PSMB2: variants seen among roughly 807,000 people sequenced by gnomAD.
PSMB2 encodes the protein proteasome subunit beta type-2.
Under a neutral mutation model 25.7 loss-of-function variants are expected in PSMB2, and 13 were observed. The observed-to-expected ratio is 0.51, with a 90% CI of 0.33 to 0.80. The LOEUF (loss-of-function observed/expected upper bound fraction) is 0.80, where lower values mean the gene tolerates loss of function less well. Among genes scored for constraint, PSMB2 ranks in the 30% least tolerant of loss-of-function variants. The pLI is 0.02. For synonymous variants in PSMB2, 87 were observed against 96.2 expected (o/e 0.90, Z 0.56); for missense variants, 202 against 259.0 (o/e 0.78, Z 1.51).
At chr1:35,631,605 A>G in intron 2 of PSMB2, 1 of 827,212 alleles carries the variant, frequency 1.2e-6, no homozygotes, top group Non-Finnish European at 1.6e-6. Flanking sequence ...AGCCTTGCTT[A>G]AACTATTCAT....
chr1:35,632,881 T>TGA (rs1173570941), intron 2 of PSMB2, among the ~76,000 whole-genome samples: 1 of 149,308 alleles, frequency 6.7e-6, no homozygotes, highest in East Asian at 2.0e-4. Flanking sequence ...GCGACAGGAG[T>TGA]GAGACCCTGT....
At chr1:35,624,551 G>C (rs1380247737) in intron 3 of PSMB2, among the ~76,000 whole-genome samples, 2 of 152,086 alleles carry the variant, frequency 1.3e-5, no homozygotes, top group Non-Finnish European at 2.9e-5. Context: ...TCAGGAGTTG[G>C]AGACCAGCCT....
chr1:35,601,878 A>T lies in PSMB2; in HGVS notation c.*1389T>A. The T allele has an allele frequency of 8.1e-6, 8 of 985,478 alleles. No individual in the cohort carries two copies. The highest frequency in any genetic ancestry group is 1.7e-5 in the African/African-American group (1 of 57,370). The allele number at this position is 985,478 out of a possible 1,614,324, so 61.0% of individuals were successfully genotyped here. ...ACAAAACATCCACATTGTTCCCTAA[A>T]GTTATGCTAAGAGTAAAACGAGTAA... On this transcript the variant is annotated 3_prime_UTR_variant, in exon 6 of 6. Transcript: ENST00000373237.
chr1:35,603,512 G>A (rs1571118787), intron 5 of PSMB2, 138 bp from the exon 6 acceptor site: 3 of 1,027,806 alleles, frequency 2.9e-6, no homozygotes. Context: ...GAGGCAGTTG[G>A]CAGTAGGGCA....
Position 35,641,482 on chromosome 1 carries a change from C to G in PSMB2, c.-50G>C, listed in dbSNP as rs1299065680. 3.7e-6 allele frequency: 6 copies of G among 1,612,128 alleles called. No homozygotes were observed. The highest frequency in any genetic ancestry group is 1.3e-5 in the African/African-American group (1 of 74,854). Reference sequence around the variant, plus strand: ...GGTCCGACACAGCACGAGACTCGCCCGCTTCCAGGTCTCACCGGTGAGACA... The same window carrying G: ...GGTCCGACACAGCACGAGACTCGCCGGCTTCCAGGTCTCACCGGTGAGACA... On this transcript the variant is annotated 5_prime_UTR_variant, in exon 1 of 6. Coordinates refer to ENST00000373237, the MANE Select transcript of PSMB2 (RefSeq NM_002794.5).
chr1:35,638,255 C>A (rs1651299521), intron 1 of PSMB2, among the ~76,000 whole-genome samples: 1 of 152,144 alleles, frequency 6.6e-6, no homozygotes, highest in Non-Finnish European at 1.5e-5. Context: ...TACTTAGAGA[C>A]CCCTGAGTTG....
At chr1:35,639,756 T>C (rs1420139698) in intron 1 of PSMB2, among the ~76,000 whole-genome samples, 1 of 152,244 alleles carries the variant, frequency 6.6e-6, no homozygotes, top group Non-Finnish European at 1.5e-5. Context: ...CACTTGCTTG[T>C]CAAAGACCTT....
At chr1:35,626,813 T>C (rs1650875869) in intron 3 of PSMB2, among the ~76,000 whole-genome samples, 1 of 152,202 alleles carries the variant, frequency 6.6e-6, no homozygotes, top group Admixed American at 6.5e-5. Context: ...ACTTCTATGA[T>C]GATGGATATG....
chr1:35,613,937 A>G (rs1650413360), intron 3 of PSMB2, among the ~76,000 whole-genome samples: 1 of 152,212 alleles, frequency 6.6e-6, no homozygotes, highest in African/African-American at 2.4e-5. Context: ...GACTCTATAA[A>G]CAATGCAAGT....
rs973945128 is a variant in PSMB2, at chr1:35,600,553, G to T, written c.*2714C>A. 10 of 985,250 alleles carry T rather than the reference G, an allele frequency of 1.0e-5. No individual in the cohort carries two copies. The African/African-American group carries it at 1.7e-4, about 17-fold the overall frequency. The allele number at this position is 985,250 out of a possible 1,614,324, so 61.0% of individuals were successfully genotyped here. ...GCCTGGGTTTCTGACTTGGGCACTT[G>T]GGAAACCAGGTAGCTCTAATTCTCT... On this transcript the variant is annotated 3_prime_UTR_variant, in exon 6 of 6. Coordinates refer to ENST00000373237, the MANE Select transcript of PSMB2 (RefSeq NM_002794.5).
chr1:35,628,631 ATTT>A (rs138110586), intron 3 of PSMB2, among the ~76,000 whole-genome samples: 21 of 38,074 alleles, frequency 5.5e-4, no homozygotes, highest in African/African-American at 2.2e-3. Flanking sequence ...ATATATATAT[ATTT>A]TTTTTTTTTT....
chr1:35,633,871 G>A (rs1199786005), intron 2 of PSMB2, among the ~76,000 whole-genome samples: 1 of 152,216 alleles, frequency 6.6e-6, no homozygotes, highest in Non-Finnish European at 1.5e-5. Context: ...CAAACTATGT[G>A]AATAGATCTT....
At position 35,603,343 on chromosome 1, in the gene PSMB2, G is replaced by A. The variant is rs754270458; in HGVS notation, c.530C>T (p.Thr177Ile). ...LQKRFILNLP[T>I]FSVRIIDKNG... ...TTTGTCAATGATTCGAACACTGAAG[G>A]TTGGCAGATTCAGGATGAAGCGTTT... Residue 177 changes from threonine (T) to isoleucine (I), a missense_variant, in exon 6 of 6, where the codon ACC (threonine) becomes ATC (isoleucine). Coordinates refer to ENST00000373237, the MANE Select transcript of PSMB2 (RefSeq NM_002794.5). The A allele has an allele frequency of 1.2e-6, 2 of 1,614,048 alleles. No individual in the cohort carries two copies. The highest frequency in any genetic ancestry group is 1.7e-6 in the Non-Finnish European group (2 of 1,180,016).
chr1:35,641,380 T>A lies in PSMB2; in HGVS notation c.53A>T (p.Asp18Val). 6.2e-7 allele frequency: 1 copy of A among 1,613,970 alleles called. No homozygotes were observed. The highest frequency in any genetic ancestry group is 8.5e-7 in the Non-Finnish European group (1 of 1,179,988). Reference protein sequence around the residue: ...QGPDYVLVASDRVAASNIVQM... With the variant: ...QGPDYVLVASVRVAASNIVQM... ...GACAATATTGCTGGCGGCCACCCGG[T>A]CGGAGGCGACAAGAACATAGTCGGG... Residue 18 changes from aspartate to valine, a missense_variant, in exon 1 of 6, where the codon GAC (aspartate) becomes GTC (valine). Asp to Val is a radical substitution (Grantham distance 152, BLOSUM62 -3). Transcript: ENST00000373237.
intron 3 of PSMB2, among the ~76,000 whole-genome samples, chr1:35,625,006 T>A (rs1400626265): frequency 6.6e-6 from 1 of 150,816 alleles, no homozygotes; most frequent in Non-Finnish European, 1.5e-5. Context: ...GGTTGCAGTG[T>A]GCTGAGATCA....
intron 3 of PSMB2, 129 bp from the exon 4 acceptor site, chr1:35,609,537 A>G (rs1369775398): frequency 3.4e-6 from 3 of 894,308 alleles, no homozygotes; most frequent in Non-Finnish European, 4.8e-6. Flanking sequence ...AATCACAATG[A>G]AAGTAAAAAT....
At chr1:35,629,631 A>G (rs1651030196) in intron 3 of PSMB2, among the ~76,000 whole-genome samples, 1 of 151,756 alleles carries the variant, frequency 6.6e-6, no homozygotes, top group African/African-American at 2.4e-5. Flanking sequence ...CCACATGGTG[A>G]AATCCTGCCT....
rs559969563 is a variant in PSMB2 at position 35,601,450 on chromosome 1, T to C, written c.*1817A>G. 2 of 985,394 alleles carry C rather than the reference T, an allele frequency of 2.0e-6. No homozygotes were observed. The highest frequency in any genetic ancestry group is 1.7e-5 in the African/African-American group (1 of 57,346). The allele number at this position is 985,394 out of a possible 1,614,324, so 61.0% of individuals were successfully genotyped here. A position where few individuals can be genotyped will look rare whatever the true frequency, so the allele number is the denominator to read the frequency against. Reference sequence around the variant, plus strand: ...AGCTCAAACCTATGCATATTCATGGTGGTGTTGGAGGTTGAATCAACTGTA... The same window carrying C: ...AGCTCAAACCTATGCATATTCATGGCGGTGTTGGAGGTTGAATCAACTGTA... On this transcript the variant is annotated 3_prime_UTR_variant, in exon 6 of 6. Coordinates refer to ENST00000373237, the MANE Select transcript of PSMB2 (RefSeq NM_002794.5).
intron 3 of PSMB2, among the ~76,000 whole-genome samples, chr1:35,628,049 T>A (rs977276718): frequency 2.6e-5 from 4 of 152,180 alleles, no homozygotes; most frequent in Admixed American, 2.6e-4. Context: ...ATTTGGTGAC[T>A]TTGCACTTAT....
Sources: allele counts gnomAD v4.1 joint callset (sites outside exome capture counted in the v4.1 genomes callset), GRCh38; gene constraint gnomAD v4.1.1; transcripts MANE v1.5; gene names NCBI Gene and HGNC (gene_info 2026-07-23, HGNC 2026-07-21).